LDB2: variants seen among roughly 807,000 people sequenced by gnomAD.
LDB2 encodes LIM domain binding 2.
In LDB2, 12 loss-of-function variants were observed where a neutral mutation model predicts 44.3. The ratio of observed to expected loss-of-function variants is 0.27; its 90% confidence interval spans 0.17 to 0.44. The LOEUF (loss-of-function observed/expected upper bound fraction) is 0.44. Ranked by LOEUF, LDB2 falls within the 20% of genes least tolerant of loss-of-function variation. The probability of loss-of-function intolerance (pLI) is 1.00; values close to 1 mark genes in which losing one functional copy is unlikely to be tolerated. For missense variants in LDB2, 344 were observed against 473.5 expected (o/e 0.73, Z 2.54); for synonymous variants, 164 against 174.8 (o/e 0.94, Z 0.49).
At chr4:16,628,210 C>T (rs147776031) in intron 2 of LDB2, among the ~76,000 whole-genome samples, 59 of 152,288 alleles carry the variant, frequency 3.9e-4, no homozygotes, top group African/African-American at 1.1e-3. Context: ...CAGAAATATA[C>T]GGGTTGCATT....
At chr4:16,520,619 A>G (rs1356913049) in intron 5 of LDB2, among the ~76,000 whole-genome samples, 1 of 152,210 alleles carries the variant, frequency 6.6e-6, no homozygotes. Context: ...CCCTGGAGAC[A>G]GGGTGTCCCT....
At chr4:16,532,847 T>C (rs1405829066) in intron 5 of LDB2, among the ~76,000 whole-genome samples, 1 of 152,182 alleles carries the variant, frequency 6.6e-6, no homozygotes, top group Non-Finnish European at 1.5e-5. Flanking sequence ...TTCGGTCATA[T>C]TTGCTTCAAG....
intron 1 of LDB2, among the ~76,000 whole-genome samples, chr4:16,887,197 G>C (rs868025916): frequency 1.3e-5 from 2 of 150,088 alleles, no homozygotes; most frequent in Non-Finnish European, 3.0e-5. Flanking sequence ...TAATTACATA[G>C]TGACAGGAGA....
intron 2 of LDB2, among the ~76,000 whole-genome samples, chr4:16,604,025 C>G (rs1723264272): frequency 6.6e-6 from 1 of 152,070 alleles, no homozygotes. Context: ...GCCACCATGA[C>G]AGGCTAAATT....
At chr4:16,772,606 A>G (rs1295506544) in intron 1 of LDB2, among the ~76,000 whole-genome samples, 1 of 152,236 alleles carries the variant, frequency 6.6e-6, no homozygotes, top group East Asian at 1.9e-4. Context: ...ATTAAGAAAT[A>G]TTCATGCCCT....
intron 1 of LDB2, among the ~76,000 whole-genome samples, chr4:16,884,642 C>T (rs998209597): frequency 3.9e-5 from 6 of 152,208 alleles, no homozygotes; most frequent in African/African-American, 1.2e-4. Context: ...CCCTGTAAAT[C>T]CTTACTGTGT....
chr4:16,531,402 A>T (rs1389625914), intron 5 of LDB2, among the ~76,000 whole-genome samples: 3 of 152,246 alleles, frequency 2.0e-5, no homozygotes, highest in Non-Finnish European at 2.9e-5. Context: ...ATCATGTGTG[A>T]AGGTGAAGAA....
intron 2 of LDB2, among the ~76,000 whole-genome samples, chr4:16,706,661 A>T (rs1754680005): frequency 2.0e-5 from 3 of 152,324 alleles, no homozygotes; most frequent in African/African-American, 7.2e-5. Context: ...TTGCATTGAT[A>T]GAAACAGAGT....
chr4:16,532,628 G>A (rs950132168), intron 5 of LDB2, among the ~76,000 whole-genome samples: 1 of 152,128 alleles, frequency 6.6e-6, no homozygotes, highest in African/African-American at 2.4e-5. Flanking sequence ...TCTTAAATCA[G>A]CTGCAAATTA....
intron 1 of LDB2, among the ~76,000 whole-genome samples, chr4:16,865,447 G>A (rs2110299224): frequency 6.6e-6 from 1 of 152,238 alleles, no homozygotes; most frequent in South Asian, 2.1e-4. Flanking sequence ...GGCTCGGGCT[G>A]CGCTGGCAGC....
chr4:16,846,488 A>G (rs1288768807), intron 1 of LDB2, among the ~76,000 whole-genome samples: 1 of 152,190 alleles, frequency 6.6e-6, no homozygotes, highest in African/African-American at 2.4e-5. Context: ...TAAAAATTCT[A>G]TCTATATATT....
chr4:16,821,637 C>T (rs1157415216), intron 1 of LDB2, among the ~76,000 whole-genome samples: 1 of 150,506 alleles, frequency 6.6e-6, no homozygotes, highest in Non-Finnish European at 1.5e-5. Flanking sequence ...GATCTGCCCA[C>T]CTCGGCCTCC....
At chr4:16,802,455 G>A (rs989961650) in intron 1 of LDB2, among the ~76,000 whole-genome samples, 1 of 152,192 alleles carries the variant, frequency 6.6e-6, no homozygotes, top group Non-Finnish European at 1.5e-5. Context: ...TGGCGCTGGG[G>A]TGTATGTCCC....
intron 2 of LDB2, among the ~76,000 whole-genome samples, chr4:16,741,287 A>G (rs1189742214): frequency 6.6e-6 from 1 of 152,254 alleles, no homozygotes; most frequent in Non-Finnish European, 1.5e-5. Context: ...TTCAACAAAT[A>G]TCATTCACTA....
chr4:16,655,824 C>T (rs1250685790), intron 2 of LDB2, among the ~76,000 whole-genome samples: 3 of 149,222 alleles, frequency 2.0e-5, no homozygotes, highest in African/African-American at 7.4e-5. Context: ...CATGTTTGTG[C>T]AAGTCAGTTT....
chr4:16,880,954 C>T (rs987514165), intron 1 of LDB2, among the ~76,000 whole-genome samples: 1 of 151,028 alleles, frequency 6.6e-6, no homozygotes. Context: ...AGGTGAGGTT[C>T]CCAACCTCAA....
chr4:16,683,906 T>C (rs1007955270), intron 2 of LDB2, among the ~76,000 whole-genome samples: 3 of 152,146 alleles, frequency 2.0e-5, no homozygotes, highest in Non-Finnish European at 2.9e-5. Context: ...TCTGGGAAAA[T>C]AGAGAAGAAG....
In LDB2 at chr4:16,609,356, G is replaced by A. The variant is rs1036134144; in HGVS notation, c.236-13481C>T. Among the ~76,000 whole-genome samples, 52 of 148,774 alleles carry A rather than the reference G, an allele frequency of 3.5e-4. 2 individuals are homozygous for A. The highest frequency in any genetic ancestry group is 1.6e-4 in the Non-Finnish European group (11 of 67,320). ...TGAACTCCCAGGGGAGGGGGCGGGG[G>A]GGGGAGGGGAAGGGCAACCAGCTGC... On this transcript the variant is annotated intron_variant, in intron 2 of 7. Coordinates refer to ENST00000304523, the MANE Select transcript of LDB2 (RefSeq NM_001290.5).
chr4:16,508,496 C>T (rs1553869032), intron 7 of LDB2, 39 bp downstream of exon 7: 1 of 1,470,708 alleles, frequency 6.8e-7, no homozygotes, highest in East Asian at 2.5e-5. Flanking sequence ...AGGAAGCAGA[C>T]AGTTAGGATT....
Sources: gnomAD v4.1 joint callset for allele counts (sites outside exome capture counted in the v4.1 genomes callset) on GRCh38, gnomAD v4.1.1 for gene constraint, MANE v1.5 for transcripts, NCBI Gene and HGNC (gene_info 2026-07-23, HGNC 2026-07-21) for gene names.